The following LRP1B variants were observed in gnomAD, a reference collection of about 807,000 sequenced individuals.
The protein encoded by LRP1B is LDL receptor related protein 1B.
Under a neutral mutation model 556.6 loss-of-function variants are expected in LRP1B, and 217 were observed. That is an observed-to-expected ratio of 0.39 (90% CI 0.35 to 0.44). LRP1B has a LOEUF of 0.44. Ranked by LOEUF, LRP1B falls within the 20% of genes least tolerant of loss-of-function variation. LRP1B has a pLI of 1.00. For missense variants in LRP1B, 5,053 were observed against 5,620.8 expected (o/e 0.90, Z 3.23); for synonymous variants, 2,047 against 1,865.8 (o/e 1.10, Z -2.50).
chr2:140,795,223 T>G (rs1690262768), intron 32 of LRP1B, among the ~76,000 whole-genome samples: 1 of 152,130 alleles, frequency 6.6e-6, no homozygotes, highest in Non-Finnish European at 1.5e-5. Flanking sequence ...TGCACTTATC[T>G]CTATGGTAAG....
chr2:140,344,112 C>G lies in LRP1B; in HGVS notation c.11892+6685G>C, dbSNP rs144442384. 1.5e-3 allele frequency among the ~76,000 whole-genome samples: 235 copies of G among 151,834 alleles called. 1 individual carries two copies. The highest frequency in any genetic ancestry group is 3.1e-3 in the Non-Finnish European group (208 of 67,830). ...ATTATAGCTTAAGCTTCTAAAAATG[C>G]TCTAGATGTACCAGCATGTAAATTT... On this transcript the variant is annotated intron_variant, in intron 77 of 90. Coordinates refer to ENST00000389484, the MANE Select transcript of LRP1B (RefSeq NM_018557.3).
intron 78 of LRP1B, 129 bp downstream of exon 78, chr2:140,335,486 C>A (rs1175867265): frequency 4.6e-6 from 3 of 653,692 alleles, no homozygotes; most frequent in Non-Finnish European, 5.4e-6. Context: ...AGAAATAGTA[C>A]AAGGATATTT....
chr2:140,733,871 G>A (rs772535378), intron 35 of LRP1B, among the ~76,000 whole-genome samples: 1 of 152,126 alleles, frequency 6.6e-6, no homozygotes, highest in African/African-American at 2.4e-5. Flanking sequence ...ACCAATATTT[G>A]CTGTAAGCAA....
In LRP1B at chr2:141,698,588, A is replaced by C. The variant is rs547057988; in HGVS notation, c.205+111691T>G. On this transcript the variant is annotated intron_variant, in intron 2 of 90. Coordinates refer to ENST00000389484, the MANE Select transcript of LRP1B (RefSeq NM_018557.3). ...AGTAAATGGGTTTTGAAATCCACCTATCTTCAAGCTATGTTCAATAGCTAG... is the reference window on the plus strand; with the variant it reads ...AGTAAATGGGTTTTGAAATCCACCTCTCTTCAAGCTATGTTCAATAGCTAG... 8.9e-4 allele frequency among the ~76,000 whole-genome samples: 135 copies of C among 151,710 alleles called. No homozygotes were observed. In the Middle Eastern group the frequency reaches 0.017, roughly 19 times the overall value.
At chr2:140,921,924 A>G (rs1694746721) in intron 21 of LRP1B, among the ~76,000 whole-genome samples, 1 of 151,918 alleles carries the variant, frequency 6.6e-6, no homozygotes, top group South Asian at 2.1e-4. Flanking sequence ...ACAACTTCTT[A>G]TTTGTACTTT....
intron 2 of LRP1B, among the ~76,000 whole-genome samples, chr2:141,519,392 TATATATATATGAA>T (rs1243902599): frequency 0.029 from 587 of 20,316 alleles, 16 homozygotes; most frequent in African/African-American, 0.067. Flanking sequence ...TATATATATA[TATATATATATGAA>T]ATGCAATATT....
At chr2:141,437,953 T>C (rs927243715) in intron 3 of LRP1B, among the ~76,000 whole-genome samples, 1 of 152,130 alleles carries the variant, frequency 6.6e-6, no homozygotes, top group Non-Finnish European at 1.5e-5. Flanking sequence ...CATATTATAT[T>C]ATATGAGTTT....
Position 140,700,581 on chromosome 2 carries a change from T to C in LRP1B, c.6468A>G (p.Gln2156=). 6.2e-7 allele frequency: 1 copy of C among 1,613,478 alleles called. No homozygotes were observed. The highest frequency in any genetic ancestry group is 8.5e-7 in the Non-Finnish European group (1 of 1,179,612). Reference sequence around the variant, plus strand: ...GGGAATTTCCTCGATAAAGACAGAGTTGCTTACAGCCACCATTGTCCCTGG... The same window carrying C: ...GGGAATTTCCTCGATAAAGACAGAGCTGCTTACAGCCACCATTGTCCCTGG... ...VCARDNGGCK[Q]LCLYRGNSRR... Residue 2156 remains glutamine, a synonymous_variant, in exon 41 of 91, where the codon CAA becomes CAG. Coordinates refer to ENST00000389484, the MANE Select transcript of LRP1B (RefSeq NM_018557.3).
intron 7 of LRP1B, among the ~76,000 whole-genome samples, chr2:141,071,978 T>C (rs1699658156): frequency 1.3e-5 from 2 of 152,160 alleles, no homozygotes; most frequent in African/African-American, 4.8e-5. Context: ...TACCAATGAC[T>C]TTCTTCACAG....
intron 1 of LRP1B, among the ~76,000 whole-genome samples, chr2:141,914,917 C>T (rs1242851549): frequency 4.6e-5 from 7 of 152,094 alleles, no homozygotes; most frequent in Admixed American, 2.0e-4. Context: ...ATAAAAATGG[C>T]CATACTACCC....
At chr2:141,632,388 C>T (rs1198307872) in intron 2 of LRP1B, among the ~76,000 whole-genome samples, 1 of 152,102 alleles carries the variant, frequency 6.6e-6, no homozygotes, top group Non-Finnish European at 1.5e-5. Context: ...TGCATAGATG[C>T]TAGACAGAGA....
At chr2:141,078,543 C>A (rs1699847754) in intron 7 of LRP1B, among the ~76,000 whole-genome samples, 1 of 152,080 alleles carries the variant, frequency 6.6e-6, no homozygotes, top group South Asian at 2.1e-4. Flanking sequence ...ATGGCTTGAA[C>A]AGACATATAA....
At chr2:141,745,690 G>A (rs1345859121) in intron 2 of LRP1B, among the ~76,000 whole-genome samples, 1 of 151,816 alleles carries the variant, frequency 6.6e-6, no homozygotes, top group Admixed American at 6.6e-5. Flanking sequence ...GGTTAATTTA[G>A]TAGCTAAGGT....
intron 43 of LRP1B, among the ~76,000 whole-genome samples, chr2:140,597,878 A>T (rs940133607): frequency 6.6e-6 from 1 of 152,062 alleles, no homozygotes; most frequent in East Asian, 1.9e-4. Flanking sequence ...TACATTCCAG[A>T]CCTTCTTCAG....
chr2:140,872,788 A>G (rs550366208), intron 25 of LRP1B, among the ~76,000 whole-genome samples: 7 of 152,086 alleles, frequency 4.6e-5, no homozygotes, highest in African/African-American at 1.7e-4. Flanking sequence ...AATTAAGGCT[A>G]TTTAGCTGAC....
intron 2 of LRP1B, among the ~76,000 whole-genome samples, chr2:141,655,828 T>G (rs1689985109): frequency 6.6e-6 from 1 of 152,148 alleles, no homozygotes; most frequent in Non-Finnish European, 1.5e-5. Flanking sequence ...GTTATTACTT[T>G]GCCAAGTAGG....
intron 1 of LRP1B, among the ~76,000 whole-genome samples, chr2:141,811,101 C>T (rs534510144): frequency 6.6e-6 from 1 of 152,108 alleles, no homozygotes; most frequent in Non-Finnish European, 1.5e-5. Context: ...GCAGCCTTTC[C>T]TCAAGTCCTC....
intron 7 of LRP1B, among the ~76,000 whole-genome samples, chr2:141,124,558 A>AT (rs1300368507): frequency 1.3e-5 from 2 of 151,082 alleles, no homozygotes; most frequent in Non-Finnish European, 2.9e-5. Context: ...CACTTACCTA[A>AT]TTTTACCCTT....
At chr2:141,544,295 A>ACTC (rs1559130731) in intron 2 of LRP1B, among the ~76,000 whole-genome samples, 12 of 43,714 alleles carry the variant, frequency 2.7e-4, no homozygotes, top group African/African-American at 7.8e-4. Flanking sequence ...GAAATTTACC[A>ACTC]CTCTTCTTCT....
Sources: gnomAD v4.1 joint callset for allele counts (sites outside exome capture counted in the v4.1 genomes callset) on GRCh38, gnomAD v4.1.1 for gene constraint, MANE v1.5 for transcripts, NCBI Gene and HGNC (gene_info 2026-07-23, HGNC 2026-07-21) for gene names.